Variants in PALM2AKAP2 observed in about 807,000 individuals in gnomAD.
PALM2AKAP2 encodes PALM2 and AKAP2 fusion, also known as PALM2-AKAP2 fusion protein.
In PALM2AKAP2, 37 loss-of-function variants were observed where a neutral mutation model predicts 71.5. The observed-to-expected ratio is 0.52, with a 90% confidence interval of 0.40 to 0.68. The LOEUF is 0.68. PALM2AKAP2 is among the 30% of genes least tolerant of loss of function. PALM2AKAP2 has a pLI of 0.00. For synonymous variants in PALM2AKAP2, 468 were observed against 478.8 expected (o/e 0.98, Z 0.29); for missense variants, 1,224 against 1,191.8 (o/e 1.03, Z -0.40).
At chr9:109,642,336 T>C (rs1827082070) in intron 1 of PALM2AKAP2, among the ~76,000 whole-genome samples, 1 of 151,820 alleles carries the variant, frequency 6.6e-6, no homozygotes, top group African/African-American at 2.4e-5. Context: ...AAGTTAATGA[T>C]GTAAATTGAT....
intron 6 of PALM2AKAP2, among the ~76,000 whole-genome samples, chr9:109,934,382 T>C (rs1831176370): frequency 6.6e-6 from 1 of 152,204 alleles, no homozygotes; most frequent in Non-Finnish European, 1.5e-5. Context: ...AGAGCACATC[T>C]AAGTTCTAAT....
At chr9:109,959,249 G>A (rs567247763) in intron 6 of PALM2AKAP2, among the ~76,000 whole-genome samples, 2 of 152,182 alleles carry the variant, frequency 1.3e-5, no homozygotes, top group African/African-American at 2.4e-5. Context: ...AGTGTACTGG[G>A]TCTGAAAGCA....
chr9:109,954,025 C>G (rs1208967856), intron 6 of PALM2AKAP2, among the ~76,000 whole-genome samples: 1 of 152,148 alleles, frequency 6.6e-6, no homozygotes, highest in Non-Finnish European at 1.5e-5. Context: ...GGAGGCATCT[C>G]TGCAGCGCTT....
rs557116609 is a variant in PALM2AKAP2, at chr9:109,947,041, G to A, written c.496+15013G>A. On this transcript the variant is annotated intron_variant, in intron 6 of 9. Transcript: ENST00000302798. ...TAAAACTGATTTGACAGTGTTCAGTGACATCATTTAATATTGGTGATGGGG... is the reference window on the plus strand; with the variant it reads ...TAAAACTGATTTGACAGTGTTCAGTAACATCATTTAATATTGGTGATGGGG... 2.0e-5 allele frequency among the ~76,000 whole-genome samples: 3 copies of A among 152,330 alleles called. No individual in the cohort carries two copies. In the East Asian group the frequency reaches 5.8e-4, roughly 29 times the overall value.
At chr9:110,030,910 A>G (rs188736680) in intron 7 of PALM2AKAP2, among the ~76,000 whole-genome samples, 2 of 152,336 alleles carry the variant, frequency 1.3e-5, no homozygotes, top group Admixed American at 1.3e-4. Flanking sequence ...TATGCTTACT[A>G]TCATTGCAAC....
rs568490544 is a variant in PALM2AKAP2, at chr9:110,025,256, T to A, written c.582+9217T>A. 1.9e-5 allele frequency: 22 copies of A among 1,153,788 alleles called. No homozygotes were observed. In the African/African-American group the frequency reaches 2.7e-4, roughly 14 times the overall value. The allele number at this position is 1,153,788 out of a possible 1,614,324, so 71.5% of individuals were successfully genotyped here. A position where few individuals can be genotyped will look rare whatever the true frequency, so the allele number is the denominator to read the frequency against. On this transcript the variant is annotated intron_variant, in intron 7 of 9. Coordinates refer to the PALM2AKAP2 transcript ENST00000302798. ...TTGATGTCTACAATATCACCTTTCT[T>A]ATAGATTCGCATATACGTGGCCAAA...
rs146088339 is a variant in PALM2AKAP2 at position 109,911,042 on chromosome 9, G to T, written c.258-12693G>T. On this transcript the variant is annotated intron_variant, in intron 3 of 9. Coordinates refer to the PALM2AKAP2 transcript ENST00000302798. ...CAGGGGAGAGGGGATAGTTAATGGG[G>T]TATCCTCCCAGATCAGTCTGCACAA... Among the ~76,000 whole-genome samples, 15 of 152,276 alleles carry T rather than the reference G, an allele frequency of 9.9e-5. No homozygotes were observed. The East Asian group carries it at 2.7e-3, about 27-fold the overall frequency.
At chr9:109,925,017 C>G (rs778982335) in intron 4 of PALM2AKAP2, 44 bp from the exon 5 acceptor site, 1 of 1,613,448 alleles carries the variant, frequency 6.2e-7, no homozygotes, top group African/African-American at 1.3e-5. Context: ...GGGATTGTAC[C>G]CCCACATGTA....
intron 1 of PALM2AKAP2, among the ~76,000 whole-genome samples, chr9:110,060,200 C>T (rs1833934142): frequency 6.6e-6 from 1 of 152,012 alleles, no homozygotes; most frequent in South Asian, 2.1e-4. Flanking sequence ...GCAACCTCCG[C>T]CTCCTGTGTT....
At chr9:109,898,652 A>C (rs2131841193) in intron 3 of PALM2AKAP2, among the ~76,000 whole-genome samples, 1 of 152,352 alleles carries the variant, frequency 6.6e-6, no homozygotes, top group East Asian at 1.9e-4. Flanking sequence ...TGAAGATCTT[A>C]GGAATTTCTA....
At chr9:109,982,995 A>T (rs1832304495) in intron 6 of PALM2AKAP2, among the ~76,000 whole-genome samples, 1 of 152,174 alleles carries the variant, frequency 6.6e-6, no homozygotes, top group South Asian at 2.1e-4. Flanking sequence ...TGAAGATTAG[A>T]TCCCATTAGT....
intron 6 of PALM2AKAP2, among the ~76,000 whole-genome samples, chr9:109,965,200 C>T (rs1015351749): frequency 4.6e-5 from 7 of 152,276 alleles, no homozygotes; most frequent in Middle Eastern, 3.4e-3. Context: ...ATAATCCCTA[C>T]GATAGATTTG....
At chr9:110,135,168 T>A (rs866963605) in intron 1 of PALM2AKAP2, among the ~76,000 whole-genome samples, 9,045 of 52,822 alleles carry the variant, frequency 0.17, 1,711 homozygotes, top group East Asian at 0.45. Context: ...AAAAAAAATA[T>A]ATAAATATAT....
At position 109,985,386 on chromosome 9, in the gene PALM2AKAP2, G is replaced by A. The variant is rs942576990; in HGVS notation, c.497-30568G>A. ...AGTAATCCCAGCACTTTGGGAGGCC[G>A]AGGTGGGCCGATCGCGAGGTCAGGA... On this transcript the variant is annotated intron_variant, in intron 6 of 9. Transcript: ENST00000302798. 2.6e-5 allele frequency among the ~76,000 whole-genome samples: 4 copies of A among 151,818 alleles called. No homozygotes were observed. The East Asian group carries it at 7.9e-4, about 30-fold the overall frequency.
chr9:109,867,577 C>A lies in PALM2AKAP2; in HGVS notation c.126+6C>A. On this transcript the variant is annotated splice_donor_region_variant and intron_variant, in intron 2 of 9. Transcript: ENST00000302798. Reference sequence around the variant, plus strand: ...TTCTGCTGCAGCATTCCAAGGTAAGCAGCTGATCCCAGGAACCTATTCCAT... The same window carrying A: ...TTCTGCTGCAGCATTCCAAGGTAAGAAGCTGATCCCAGGAACCTATTCCAT... 4 of 1,611,542 alleles carry A rather than the reference C, an allele frequency of 2.5e-6. No individual in the cohort carries two copies. Among genetic ancestry groups the A allele is most frequent in the Non-Finnish European group, 3.4e-6 (4 of 1,179,328 alleles).
At chr9:109,891,316 CA>C in intron 3 of PALM2AKAP2, among the ~76,000 whole-genome samples, 1 of 152,196 alleles carries the variant, frequency 6.6e-6, no homozygotes, top group East Asian at 1.9e-4. Context: ...TCTGTACAAG[CA>C]TGCACCATGG....
At chr9:109,718,679 T>C (rs751783597) in intron 1 of PALM2AKAP2, among the ~76,000 whole-genome samples, 10 of 152,174 alleles carry the variant, frequency 6.6e-5, no homozygotes, top group Non-Finnish European at 1.2e-4. Context: ...GTTAACATCT[T>C]AACAATACCA....
chr9:109,930,502 A>G (rs1389291501), intron 5 of PALM2AKAP2, among the ~76,000 whole-genome samples: 1 of 152,256 alleles, frequency 6.6e-6, no homozygotes, highest in Non-Finnish European at 1.5e-5. Context: ...CTGGGATTAC[A>G]GGCATGAGCC....
At chr9:109,721,209 C>A (rs1828400067) in intron 1 of PALM2AKAP2, among the ~76,000 whole-genome samples, 1 of 152,208 alleles carries the variant, frequency 6.6e-6, no homozygotes, top group African/African-American at 2.4e-5. Flanking sequence ...CTGAGCTGAG[C>A]TGACGACTGT....
Sources: allele counts gnomAD v4.1 joint callset (sites outside exome capture counted in the v4.1 genomes callset), GRCh38; gene constraint gnomAD v4.1.1; transcripts MANE v1.5; gene names NCBI Gene and HGNC (gene_info 2026-07-23, HGNC 2026-07-21).